Variants in SPON1 observed in about 807,000 individuals in gnomAD.
SPON1 encodes spondin 1.
A neutral mutation model predicts 111.7 loss-of-function variants in SPON1; 52 were observed. The ratio of observed to expected loss-of-function variants is 0.47; its 90% CI spans 0.37 to 0.59. The LOEUF (loss-of-function observed/expected upper bound fraction) is 0.59. Among genes scored for constraint, SPON1 ranks in the 20% least tolerant of loss-of-function variants. The pLI, the probability that SPON1 is intolerant of heterozygous loss-of-function variation, is 0.00. For missense variants in SPON1, 957 were observed against 1,068.5 expected, an observed-to-expected ratio of 0.90 and a Z score of 1.46; for synonymous variants, 410 against 395.8, an observed-to-expected ratio of 1.04 and a Z score of -0.43.
intron 3 of SPON1, among the ~76,000 whole-genome samples, chr11:14,063,710 A>G (rs1398743544): frequency 6.6e-6 from 1 of 152,250 alleles, no homozygotes; most frequent in African/African-American, 2.4e-5. Flanking sequence ...TGCGTTGTGC[A>G]GTCAGCAAGT....
At chr11:14,191,532 A>G (rs1247287531) in intron 6 of SPON1, among the ~76,000 whole-genome samples, 7 of 152,218 alleles carry the variant, frequency 4.6e-5, no homozygotes, top group African/African-American at 1.7e-4. Context: ...ACAATGAGTG[A>G]AAGGAGTAGA....
At chr11:14,075,182 A>G (rs1188964881) in intron 3 of SPON1, among the ~76,000 whole-genome samples, 163 bp from the exon 4 acceptor site, 1 of 152,130 alleles carries the variant, frequency 6.6e-6, no homozygotes, top group Non-Finnish European at 1.5e-5. Context: ...CCACAACCCC[A>G]TAAAGCAGGT....
At chr11:14,052,715 C>T (rs1554918743) in intron 3 of SPON1, among the ~76,000 whole-genome samples, 2 of 152,164 alleles carry the variant, frequency 1.3e-5, no homozygotes, top group African/African-American at 4.8e-5. Context: ...TCTCGGGATG[C>T]CAGTGGGAGC....
At chr11:14,050,977 G>A (rs936119283) in intron 3 of SPON1, among the ~76,000 whole-genome samples, 1 of 152,210 alleles carries the variant, frequency 6.6e-6, no homozygotes, top group Non-Finnish European at 1.5e-5. Context: ...GGCAAGACGT[G>A]CATCATCCCA....
Position 14,050,042 on chromosome 11 carries a change from G to A in SPON1, c.479+8388G>A, listed in dbSNP as rs142454222. ...ACTCAGGGTGCTTAGGCAGCCCTCT[G>A]GCAGGACTGGGTTTCATGTAAATGT... is the stretch of plus-strand genomic sequence containing the variant. On this transcript the variant is annotated intron_variant, in intron 3 of 15. Coordinates refer to ENST00000576479, the MANE Select transcript of SPON1 (RefSeq NM_006108.4). 8.6e-4 allele frequency among the ~76,000 whole-genome samples: 131 copies of A among 152,260 alleles called. 1 individual carries two copies. The highest frequency in any genetic ancestry group is 3.5e-3 in the East Asian group (18 of 5,176).
intron 6 of SPON1, among the ~76,000 whole-genome samples, chr11:14,189,269 A>T (rs1315089839): frequency 6.6e-6 from 1 of 152,266 alleles, no homozygotes; most frequent in Non-Finnish European, 1.5e-5. Flanking sequence ...AGCTCAAAAC[A>T]ATATGAAAAC....
intron 6 of SPON1, among the ~76,000 whole-genome samples, chr11:14,201,143 A>G (rs1554935589): frequency 6.6e-6 from 1 of 152,042 alleles, no homozygotes; most frequent in Non-Finnish European, 1.5e-5. Context: ...GGTCGAGACC[A>G]TCCTGGCTAA....
chr11:14,195,353 T>C (rs2133893922), intron 6 of SPON1, among the ~76,000 whole-genome samples: 1 of 152,134 alleles, frequency 6.6e-6, no homozygotes, highest in East Asian at 1.9e-4. Context: ...AAAGTAGAAG[T>C]TATTTATACA....
At chr11:14,018,274 G>A (rs76994179) in intron 2 of SPON1, among the ~76,000 whole-genome samples, 2 of 152,318 alleles carry the variant, frequency 1.3e-5, no homozygotes, top group African/African-American at 4.8e-5. Context: ...GAAGCCCTTA[G>A]TAGGTCCCAA....
chr11:14,041,473 C>T (rs1848630741), intron 2 of SPON1, 48 bp from the exon 3 acceptor site: 1 of 1,602,256 alleles, frequency 6.2e-7, no homozygotes, highest in Non-Finnish European at 8.5e-7. Flanking sequence ...CTTAAGCGCC[C>T]TCTCAAAATG....
At chr11:14,089,194 T>G (rs1467698932) in intron 5 of SPON1, among the ~76,000 whole-genome samples, 3 of 152,108 alleles carry the variant, frequency 2.0e-5, no homozygotes, top group Non-Finnish European at 4.4e-5. Flanking sequence ...TGTGATCCTT[T>G]GTAGGAGAAG....
At chr11:14,195,414 C>G (rs2133893941) in intron 6 of SPON1, among the ~76,000 whole-genome samples, 1 of 152,114 alleles carries the variant, frequency 6.6e-6, no homozygotes, top group African/African-American at 2.4e-5. Flanking sequence ...TTGGAAAAGG[C>G]CTGGAATCAA....
chr11:14,095,686 G>A (rs1239659652), intron 5 of SPON1, among the ~76,000 whole-genome samples: 2 of 152,202 alleles, frequency 1.3e-5, no homozygotes, highest in African/African-American at 4.8e-5. Context: ...TTCTTCCTCT[G>A]CATATTGTTC....
Position 14,101,947 on chromosome 11 carries a change from T to C in SPON1, c.676+21926T>C, listed in dbSNP as rs568940346. ...CACCAGATTCCACAGTTGTTAACAT[T>C]TTACCACATTTCCTTTATCATTCTC... is the stretch of plus-strand genomic sequence containing the variant. On this transcript the variant is annotated intron_variant, in intron 5 of 15. Coordinates refer to ENST00000576479, the MANE Select transcript of SPON1 (RefSeq NM_006108.4). Among the ~76,000 whole-genome samples, 3 of 152,318 alleles carry C rather than the reference T, an allele frequency of 2.0e-5. No homozygotes were observed. In the South Asian group the frequency reaches 6.2e-4, roughly 32 times the overall value.
chr11:14,037,639 A>G (rs945137852), intron 2 of SPON1, among the ~76,000 whole-genome samples: 17 of 152,332 alleles, frequency 1.1e-4, no homozygotes, highest in African/African-American at 4.1e-4. Context: ...CTAGAAGACA[A>G]CACAGAAGAA....
rs140292248 is a variant in SPON1, at chr11:14,196,365, G to A, written c.826-46967G>A. ...CTAACGAGTATGGATGGGTGTTTTGGTGGGGCCATTGAAAATGTTCTAAAT... is the reference window on the plus strand; with the variant it reads ...CTAACGAGTATGGATGGGTGTTTTGATGGGGCCATTGAAAATGTTCTAAAT... On this transcript the variant is annotated intron_variant, in intron 6 of 15. Transcript: ENST00000576479. Among the ~76,000 whole-genome samples the A allele has an allele frequency of 5.0e-3, 759 of 152,274 alleles. 3 individuals carry two copies. The highest frequency in any genetic ancestry group is 0.018 in the African/African-American group (731 of 41,552).
chr11:14,126,101 C>A (rs1369083117), intron 5 of SPON1, among the ~76,000 whole-genome samples: 5 of 152,222 alleles, frequency 3.3e-5, no homozygotes, highest in African/African-American at 4.8e-5. Context: ...AGGTCTTCAG[C>A]TGACTAGATA....
chr11:14,107,590 GA>G (rs3047369), intron 5 of SPON1, among the ~76,000 whole-genome samples: 7,217 of 119,172 alleles, frequency 0.061, 264 homozygotes, highest in African/African-American at 0.13. Flanking sequence ...AGATCCTCAG[GA>G]AAAAAAAAAA....
intron 6 of SPON1, among the ~76,000 whole-genome samples, chr11:14,213,436 T>C (rs902606247): frequency 6.6e-6 from 1 of 152,158 alleles, no homozygotes; most frequent in Non-Finnish European, 1.5e-5. Context: ...TAAGATTTAT[T>C]TTGGGCTCCT....
Sources: gnomAD v4.1 joint callset for allele counts (sites outside exome capture counted in the v4.1 genomes callset) on GRCh38, gnomAD v4.1.1 for gene constraint, MANE v1.5 for transcripts, NCBI Gene and HGNC (gene_info 2026-07-23, HGNC 2026-07-21) for gene names.